Variants in ZNF654 observed in about 807,000 individuals in gnomAD.
The protein encoded by ZNF654 is zinc finger protein 654, also known as melanoma-associated antigen.
Under a neutral mutation model 95.3 loss-of-function variants are expected in ZNF654, and 19 were observed. The observed-to-expected ratio is 0.20, with a 90% CI of 0.14 to 0.29. The LOEUF (loss-of-function observed/expected upper bound fraction) is 0.29. ZNF654 is among the 10% of genes least tolerant of loss of function. The pLI is 1.00. For synonymous variants in ZNF654, 413 were observed against 457.9 expected, an observed-to-expected ratio of 0.90 and a Z score of 1.25; for missense variants, 1,046 against 1,341.0, an observed-to-expected ratio of 0.78 and a Z score of 3.44.
In ZNF654 at chr3:88,128,854, G is replaced by A. The variant is rs2107833243; in HGVS notation, c.596G>A (p.Arg199His). The A allele has an allele frequency of 6.5e-7, 1 of 1,535,342 alleles. No individual in the cohort carries two copies. Among genetic ancestry groups the A allele is most frequent in the Non-Finnish European group, 8.7e-7 (1 of 1,146,512 alleles). ...GAAAATCCACTGTTCTTTGAACTAC[G>A]TGCCAGATACCTAATTGCTTGTGAA... is the stretch of plus-strand genomic sequence containing the variant. ...SSENPLFFEL[R>H]ARYLIACERI... Residue 199 changes from arginine to histidine, a missense_variant, in exon 5 of 9, where the codon CGT (arginine) becomes CAT (histidine). Around this residue, in one of 9 missense-constraint regions of ZNF654, gnomAD observed 91 missense variants for 190.5 expected, o/e 0.48. Transcript: ENST00000636215.
chr3:88,134,480 G>A (rs191870641), intron 6 of ZNF654, among the ~76,000 whole-genome samples: 81 of 152,008 alleles, frequency 5.3e-4, no homozygotes, highest in Middle Eastern at 3.4e-3. Context: ...TCCTAGCCTT[G>A]TGCATCAAAT....
At position 88,139,860 on chromosome 3, in the gene ZNF654, G is replaced by A. The variant is rs766111404; in HGVS notation, c.2191G>A (p.Val731Met). 3.7e-6 allele frequency: 6 copies of A among 1,600,766 alleles called. No individual in the cohort carries two copies. The highest frequency in any genetic ancestry group is 5.1e-6 in the Non-Finnish European group (6 of 1,173,122). The change falls in exon 8 of 9, where the codon GTG becomes ATG. Residue 731 changes from valine to methionine, a missense_variant. By Grantham distance (21) the Val-to-Met change is conservative (BLOSUM62 1). Transcript: ENST00000636215. ...TSVIHKINGT[V>M]CHPKDIYATD... ...AGTAATTCATAAAATCAATGGAACT[G>A]TGTGCCATCCAAAAGACATATATGC...
chr3:88,079,475 G>T (rs1056807721), intron 1 of ZNF654, among the ~76,000 whole-genome samples: 4 of 152,034 alleles, frequency 2.6e-5, no homozygotes, highest in Non-Finnish European at 4.4e-5. Context: ...AACTGGAACT[G>T]ATAGATGGAT....
intron 3 of ZNF654, among the ~76,000 whole-genome samples, chr3:88,117,908 G>A (rs1009869400): frequency 1.3e-5 from 2 of 151,066 alleles, no homozygotes; most frequent in Non-Finnish European, 2.9e-5. Flanking sequence ...AGTTTTAAAT[G>A]TCTGGAACTT....
intron 2 of ZNF654, among the ~76,000 whole-genome samples, chr3:88,112,308 T>A (rs530026877): frequency 1.3e-5 from 2 of 151,914 alleles, no homozygotes; most frequent in Non-Finnish European, 3.0e-5. Context: ...CAACTTTAGG[T>A]AGTTACACTT....
chr3:88,071,591 G>T (rs1301607707), intron 1 of ZNF654, among the ~76,000 whole-genome samples: 1 of 152,122 alleles, frequency 6.6e-6, no homozygotes, highest in Admixed American at 6.5e-5. Context: ...AGCTGAGATC[G>T]CGCCACTGCA....
chr3:88,098,354 A>C lies in ZNF654; in HGVS notation c.332+11952A>C, dbSNP rs189173244. On this transcript the variant is annotated intron_variant, in intron 2 of 8. Transcript: ENST00000636215. ...GCAATAATTAATAGCTTACCAACCA[A>C]AAAGGGTCCAGGACCAGATGGATTC... is the stretch of plus-strand genomic sequence containing the variant. Among the ~76,000 whole-genome samples, 812 of 152,318 alleles carry C rather than the reference A, an allele frequency of 5.3e-3. 5 individuals are homozygous for C. The highest frequency in any genetic ancestry group is 0.017 in the African/African-American group (699 of 41,560).
In ZNF654 at chr3:88,140,179, A is replaced by G. The variant is rs773206561; in HGVS notation, c.2510A>G (p.Lys837Arg). 1 of 1,613,704 alleles carries G rather than the reference A, an allele frequency of 6.2e-7. No individual in the cohort carries two copies. The highest frequency in any genetic ancestry group is 1.3e-5 in the African/African-American group (1 of 74,900). Residue 837 changes from lysine (K) to arginine (R), a missense_variant, in exon 8 of 9, where the codon AAA becomes AGA. Physicochemically the swap from Lys to Arg is conservative, Grantham distance 26 (BLOSUM62 2). Transcript: ENST00000636215. ...KLPFQLAQHT[K>R]SHRIFQAQCS... The stretch of plus-strand genomic sequence containing the variant: ...CCGTTCCAGCTTGCCCAGCACACAA[A>G]AAGTCACAGGATATTTCAGGCTCAG...
At chr3:88,109,179 G>GTGTGTA (rs1453735950) in intron 2 of ZNF654, among the ~76,000 whole-genome samples, 1 of 150,284 alleles carries the variant, frequency 6.7e-6, no homozygotes, top group African/African-American at 2.5e-5. Flanking sequence ...GTGTGTGTGT[G>GTGTGTA]TATGAAGAAA....
chr3:88,110,727 CTATT>C (rs1196567668), intron 2 of ZNF654, among the ~76,000 whole-genome samples: 12 of 152,074 alleles, frequency 7.9e-5, no homozygotes, highest in Admixed American at 7.9e-4. Context: ...ATTTAGTTGA[CTATT>C]TATACAGTCA....
chr3:88,116,563 C>T (rs1362049559), intron 3 of ZNF654, among the ~76,000 whole-genome samples: 1 of 111,652 alleles, frequency 9.0e-6, no homozygotes, highest in African/African-American at 3.3e-5. Flanking sequence ...CATATATATA[C>T]ACACACACAC....
At chr3:88,079,974 T>C (rs375699313) in intron 1 of ZNF654, among the ~76,000 whole-genome samples, 22 of 152,092 alleles carry the variant, frequency 1.4e-4, no homozygotes, top group African/African-American at 4.8e-4. Flanking sequence ...AACATGACTT[T>C]TAGATTTCCA....
At chr3:88,065,852 C>A (rs1332415664) in intron 1 of ZNF654, among the ~76,000 whole-genome samples, 1 of 152,076 alleles carries the variant, frequency 6.6e-6, no homozygotes, top group Admixed American at 6.5e-5. Context: ...CCATCAGCCC[C>A]CACCCCCAGT....
chr3:88,099,066 G>C (rs536637926), intron 2 of ZNF654, among the ~76,000 whole-genome samples: 1 of 152,170 alleles, frequency 6.6e-6, no homozygotes, highest in African/African-American at 2.4e-5. Flanking sequence ...CAGATGACAT[G>C]ATTGTATATT....
rs1163660999 is a variant in ZNF654 at position 88,140,928 on chromosome 3, T to C, written c.3259T>C (p.Ser1087Pro). The change falls in exon 8 of 9, where the codon TCA becomes CCA. Residue 1087 changes from serine (S) to proline (P), a missense_variant. Ser to Pro is a moderately conservative substitution (Grantham distance 74, BLOSUM62 -1). Coordinates refer to ENST00000636215, the MANE Select transcript of ZNF654 (RefSeq NM_001350134.2). ...TGATCAAGATAACGTGTATAAAAAA[T>C]CAGTGAAAAGATTAAGATGTGGCAA... ...CSDQDNVYKK[S>P]VKRLRCGKCL... 6.2e-7 allele frequency: 1 copy of C among 1,613,472 alleles called. No homozygotes were observed. The highest frequency in any genetic ancestry group is 8.5e-7 in the Non-Finnish European group (1 of 1,179,624).
At chr3:88,084,860 G>A (rs1230037156) in intron 1 of ZNF654, among the ~76,000 whole-genome samples, 1 of 152,170 alleles carries the variant, frequency 6.6e-6, no homozygotes, top group African/African-American at 2.4e-5. Context: ...GCTACACTTA[G>A]TAGGTTTTCA....
intron 6 of ZNF654, among the ~76,000 whole-genome samples, chr3:88,130,801 G>A (rs555154618): frequency 6.6e-6 from 1 of 152,020 alleles, no homozygotes; most frequent in South Asian, 2.1e-4. Flanking sequence ...TCAGAGATAA[G>A]AGTCAAATAG....
intron 2 of ZNF654, among the ~76,000 whole-genome samples, chr3:88,107,965 TG>T (rs1704846050): frequency 6.6e-6 from 1 of 152,160 alleles, no homozygotes; most frequent in African/African-American, 2.4e-5. Context: ...CCTTGTATGT[TG>T]TGGTTTTTAT....
At position 88,086,373 on chromosome 3, in the gene ZNF654, T is replaced by C. The variant is rs2107662126; in HGVS notation, c.303T>C (p.His101=). The C allele has an allele frequency of 6.5e-7, 1 of 1,534,868 alleles. No homozygotes were observed. Among genetic ancestry groups the C allele is most frequent in the Non-Finnish European group, 8.7e-7 (1 of 1,146,146 alleles). Residue 101 remains histidine (H), a synonymous_variant, in exon 2 of 9, where the codon CAT becomes CAC. Transcript: ENST00000636215. ...CATCATTCCCAGATGAATGTGAGCA[T>C]GTACAATATGTTTTGAGTAGCCTTG... ...ASASFPDECE[H]VQYVLSSLAV...
Sources: gnomAD v4.1 joint callset for allele counts (sites outside exome capture counted in the v4.1 genomes callset) on GRCh38, gnomAD v4.1.1 for gene constraint, gnomAD v4.1.1 regional missense constraint, MANE v1.5 for transcripts, NCBI Gene and HGNC (gene_info 2026-07-23, HGNC 2026-07-21) for gene names.